B3GALT1: variants seen among roughly 807,000 people sequenced by gnomAD.
The protein encoded by B3GALT1 is UDP-Gal:betaGlcNAc beta 1,3-galactosyltransferase, polypeptide 1.
In B3GALT1, 10 loss-of-function variants were observed where a neutral mutation model predicts 23.2. That is an observed-to-expected ratio of 0.43 (90% CI 0.27 to 0.73). The LOEUF (loss-of-function observed/expected upper bound fraction) is 0.73, where lower values mean the gene tolerates loss of function less well. B3GALT1 is among the 30% of genes least tolerant of loss of function. B3GALT1 has a pLI of 0.21. For synonymous variants in B3GALT1, 156 were observed against 141.5 expected, an observed-to-expected ratio of 1.10 and a Z score of -0.73; for missense variants, 299 against 405.4, an observed-to-expected ratio of 0.74 and a Z score of 2.25.
intron 3 of B3GALT1, among the ~76,000 whole-genome samples, chr2:167,797,133 T>C (rs547485160): frequency 6.6e-6 from 1 of 152,268 alleles, no homozygotes; most frequent in Admixed American, 6.5e-5. Flanking sequence ...TTCCTCTTCC[T>C]ATCCCCCAAC....
At chr2:167,496,678 T>C (rs562182306) in intron 2 of B3GALT1, among the ~76,000 whole-genome samples, 114 of 152,288 alleles carry the variant, frequency 7.5e-4, no homozygotes, top group Middle Eastern at 3.4e-3. Flanking sequence ...AATTCCTGTG[T>C]TGAAATCCTA....
At chr2:167,323,223 C>T (rs1453562010) in intron 1 of B3GALT1, among the ~76,000 whole-genome samples, 3 of 151,860 alleles carry the variant, frequency 2.0e-5, no homozygotes, top group African/African-American at 4.8e-5. Flanking sequence ...CATAATTTAG[C>T]GAAGAAAATA....
intron 3 of B3GALT1, among the ~76,000 whole-genome samples, chr2:167,802,254 TG>T (rs1014673938): frequency 2.0e-5 from 3 of 152,170 alleles, no homozygotes; most frequent in African/African-American, 4.8e-5. Flanking sequence ...ATTGTCAATT[TG>T]GGGGGCAGCC....
chr2:167,352,126 A>AT (rs79128775), intron 1 of B3GALT1, among the ~76,000 whole-genome samples: 5,572 of 138,166 alleles, frequency 0.04, 314 homozygotes, highest in African/African-American at 0.13. Context: ...TACCCGGCTA[A>AT]TTTTTTTTTT....
intron 3 of B3GALT1, among the ~76,000 whole-genome samples, chr2:167,716,335 G>T (rs1346272965): frequency 6.6e-6 from 1 of 152,026 alleles, no homozygotes; most frequent in Non-Finnish European, 1.5e-5. Context: ...CCTTAGTTCT[G>T]GCAGTTTTCA....
intron 1 of B3GALT1, among the ~76,000 whole-genome samples, chr2:167,434,427 C>T (rs1431308525): frequency 6.6e-6 from 1 of 151,680 alleles, no homozygotes; most frequent in South Asian, 2.1e-4. Context: ...TATCTCTGCC[C>T]ACTCTCCCAC....
At chr2:167,638,721 A>G (rs1169321203) in intron 2 of B3GALT1, among the ~76,000 whole-genome samples, 1 of 152,068 alleles carries the variant, frequency 6.6e-6, no homozygotes, top group African/African-American at 2.4e-5. Flanking sequence ...TTCATTAAAA[A>G]AGAGGGGGTT....
At chr2:167,826,313 C>T (rs1689224685) in intron 4 of B3GALT1, among the ~76,000 whole-genome samples, 2 of 152,122 alleles carry the variant, frequency 1.3e-5, no homozygotes, top group South Asian at 2.1e-4. Context: ...CCTCCAGAGC[C>T]TAAGGAAGAG....
intron 3 of B3GALT1, among the ~76,000 whole-genome samples, chr2:167,792,752 G>A (rs996334937): frequency 1.9e-4 from 29 of 152,118 alleles, no homozygotes; most frequent in African/African-American, 7.0e-4. Flanking sequence ...GGTTACAATT[G>A]GCTGGATAGA....
intron 3 of B3GALT1, among the ~76,000 whole-genome samples, chr2:167,698,579 A>G (rs1312095541): frequency 2.0e-5 from 3 of 152,152 alleles, no homozygotes; most frequent in Non-Finnish European, 4.4e-5. Flanking sequence ...TCTTTTCCAC[A>G]CCATATTGTC....
intron 1 of B3GALT1, among the ~76,000 whole-genome samples, chr2:167,311,705 T>C (rs542667054): frequency 6.6e-6 from 1 of 152,142 alleles, no homozygotes; most frequent in South Asian, 2.1e-4. Context: ...ATGCTGTAAT[T>C]GAAACTAAGT....
At chr2:167,333,308 G>T (rs73015865) in intron 1 of B3GALT1, among the ~76,000 whole-genome samples, 3,149 of 152,248 alleles carry the variant, frequency 0.021, 130 homozygotes, top group African/African-American at 0.072. Flanking sequence ...ACTTCATGGA[G>T]CCCAAAAGAC....
chr2:167,648,986 G>A (rs1685806296), intron 3 of B3GALT1, among the ~76,000 whole-genome samples: 1 of 152,110 alleles, frequency 6.6e-6, no homozygotes, highest in Non-Finnish European at 1.5e-5. Context: ...GGAGATGACA[G>A]TAGATTTTAT....
chr2:167,681,260 T>A lies in B3GALT1; in HGVS notation c.-352+34294T>A, dbSNP rs182706615. ...GCAGCCATCAGATATATATATATAT[T>A]TTTTTAATCTATCCCAAAAATCTGT... On this transcript the variant is annotated intron_variant, in intron 3 of 4. Coordinates refer to ENST00000392690, the MANE Select transcript of B3GALT1 (RefSeq NM_020981.4). Among the ~76,000 whole-genome samples the A allele has an allele frequency of 5.4e-3, 820 of 151,854 alleles. 2 individuals are homozygous for A. The highest frequency in any genetic ancestry group is 8.3e-3 in the Admixed American group (126 of 15,256).
At chr2:167,616,090 GA>G (rs869043085) in intron 2 of B3GALT1, among the ~76,000 whole-genome samples, 1 of 151,890 alleles carries the variant, frequency 6.6e-6, no homozygotes, top group Non-Finnish European at 1.5e-5. Context: ...GAAAAAAGAA[GA>G]AGGGAATACT....
At chr2:167,522,283 A>G (rs1700201943) in intron 2 of B3GALT1, among the ~76,000 whole-genome samples, 1 of 152,006 alleles carries the variant, frequency 6.6e-6, no homozygotes, top group African/African-American at 2.4e-5. Flanking sequence ...GACAAACTAA[A>G]TATACAAAAT....
intron 1 of B3GALT1, among the ~76,000 whole-genome samples, chr2:167,310,270 G>A (rs1309332009): frequency 6.6e-6 from 1 of 151,978 alleles, no homozygotes; most frequent in Non-Finnish European, 1.5e-5. Context: ...TGGTGAGCCA[G>A]TATCTCCCTT....
At chr2:167,607,742 T>C (rs1684991998) in intron 2 of B3GALT1, among the ~76,000 whole-genome samples, 1 of 152,224 alleles carries the variant, frequency 6.6e-6, no homozygotes, top group Non-Finnish European at 1.5e-5. Flanking sequence ...ATTTTTAGTG[T>C]GGGCTCCTAC....
intron 2 of B3GALT1, among the ~76,000 whole-genome samples, chr2:167,584,382 C>T (rs556172837): frequency 3.4e-4 from 52 of 152,246 alleles, no homozygotes; most frequent in Non-Finnish European, 7.1e-4. Flanking sequence ...CCACTATGCT[C>T]TGAGATATGG....
Sources: gnomAD v4.1 joint callset for allele counts (sites outside exome capture counted in the v4.1 genomes callset) on GRCh38, gnomAD v4.1.1 for gene constraint, MANE v1.5 for transcripts, NCBI Gene and HGNC (gene_info 2026-07-23, HGNC 2026-07-21) for gene names.